Variants in UACA observed in about 807,000 individuals in gnomAD.
UACA encodes nuclear membrane binding protein.
Under a neutral mutation model 160.5 loss-of-function variants are expected in UACA, and 112 were observed. That is an observed-to-expected ratio of 0.70 (90% confidence interval 0.60 to 0.82). The LOEUF (loss-of-function observed/expected upper bound fraction) is 0.82, where lower values mean the gene tolerates loss of function less well. Among genes scored for constraint, UACA ranks in the 40% least tolerant of loss-of-function variants. UACA has a pLI of 0.00. For missense variants in UACA, 1,574 were observed against 1,614.6 expected (o/e 0.97, Z 0.43); for synonymous variants, 557 against 568.4 (o/e 0.98, Z 0.29).
chr15:70,755,369 T>TAA (rs879376258), intron 1 of UACA, among the ~76,000 whole-genome samples: 1 of 144,904 alleles, frequency 6.9e-6, no homozygotes, highest in Non-Finnish European at 1.5e-5. Context: ...ATTCAAGGTT[T>TAA]AAAAAAAAAA....
upstream of UACA, among the ~76,000 whole-genome samples, chr15:70,766,242 T>G (rs1410770333): frequency 6.6e-6 from 1 of 152,238 alleles, no homozygotes; most frequent in African/African-American, 2.4e-5. Context: ...TAAAGCTTTT[T>G]TACATTGATC....
At chr15:70,680,586 C>T (rs1897464062) in intron 9 of UACA, among the ~76,000 whole-genome samples, 1 of 152,208 alleles carries the variant, frequency 6.6e-6, no homozygotes, top group Non-Finnish European at 1.5e-5. Flanking sequence ...CTCATTCCTT[C>T]TACCAAAGGA....
chr15:70,668,799 C>G lies in UACA; in HGVS notation c.1885G>C (p.Ala629Pro), dbSNP rs1897030903. 6.2e-7 allele frequency: 1 copy of G among 1,613,924 alleles called. No individual in the cohort carries two copies. The highest frequency in any genetic ancestry group is 8.5e-7 in the Non-Finnish European group (1 of 1,180,010). Residue 629 changes from alanine to proline, a missense_variant, in exon 16 of 19, where the codon GCT becomes CCT. Physicochemically the swap from Ala to Pro is conservative, Grantham distance 27. Transcript: ENST00000322954. ...LSAKLALSIP[A>P]EKFENMKSSL... The stretch of plus-strand genomic sequence containing the variant: ...CTCTTCATGTTTTCAAATTTTTCAG[C>G]TGGAATGGAAAGGGCCAACTTCGCT...
chr15:70,713,154 C>T (rs773210276), intron 1 of UACA, among the ~76,000 whole-genome samples: 20 of 152,076 alleles, frequency 1.3e-4, no homozygotes, highest in Non-Finnish European at 2.9e-4. Flanking sequence ...ACCATCCTGG[C>T]TAACACAGTG....
intron 1 of UACA, among the ~76,000 whole-genome samples, chr15:70,760,976 T>C (rs943448756): frequency 1.3e-5 from 2 of 152,162 alleles, no homozygotes; most frequent in African/African-American, 2.4e-5. Flanking sequence ...TCCTTCAAAA[T>C]TACAAATGCA....
In UACA at chr15:70,656,879, C is replaced by A; in HGVS notation, c.*177G>T. The A allele has an allele frequency of 2.1e-6, 1 of 484,504 alleles. No homozygotes were observed. The highest frequency in any genetic ancestry group is 3.7e-6 in the Non-Finnish European group (1 of 272,940). The allele number at this position is 484,504 out of a possible 1,614,324, so 30.0% of individuals were successfully genotyped here. On this transcript the variant is annotated 3_prime_UTR_variant, in exon 19 of 19. Coordinates refer to ENST00000322954, the MANE Select transcript of UACA (RefSeq NM_018003.4). ...ACACATACAGAAAATAAGATTCAAA[C>A]TGATATTGAAAAAGACTAACATATT...
chr15:70,772,296 A>G, the UACA span, among the ~76,000 whole-genome samples: 6 of 151,946 alleles, frequency 3.9e-5, no homozygotes, highest in African/African-American at 9.7e-5. Context: ...GATCGAGACC[A>G]TCCTGGCTAA....
At chr15:70,700,318 T>TATACAC (rs565377949) in intron 1 of UACA, among the ~76,000 whole-genome samples, 2 of 139,762 alleles carry the variant, frequency 1.4e-5, no homozygotes, top group Non-Finnish European at 3.0e-5. Context: ...TATATATATA[T>TATACAC]ACACACACAC....
chr15:70,744,611 G>A (rs1899644554), intron 1 of UACA, among the ~76,000 whole-genome samples: 1 of 152,212 alleles, frequency 6.6e-6, no homozygotes, highest in Admixed American at 6.5e-5. Context: ...AAGACAGTCT[G>A]CAAGAGGGCT....
In UACA at chr15:70,677,199, G is replaced by T; in HGVS notation, c.1000-59C>A. 3.9e-6 allele frequency: 5 copies of T among 1,296,654 alleles called. No homozygotes were observed. In the South Asian group the frequency reaches 4.0e-5, roughly 10 times the overall value. 80.3% of individuals were successfully genotyped at this position (1,296,654 alleles called of 1,614,324 possible). A position where few individuals can be genotyped will look rare whatever the true frequency, so the allele number is the denominator to read the frequency against. ...CTTAAAAGCCTATTTTAAAAGGCAT[G>T]AACTTGGCAAAGATATTTTAAAAAG... On this transcript the variant is annotated intron_variant, in intron 11 of 18. Transcript: ENST00000322954.
At chr15:70,664,538 A>T (rs920076805) in intron 17 of UACA, 124 bp downstream of exon 17, 2 of 1,225,750 alleles carry the variant, frequency 1.6e-6, no homozygotes, top group African/African-American at 3.1e-5. Context: ...TCGCATATAA[A>T]AATAATTATA....
In UACA at chr15:70,678,276, A is replaced by C. The variant is rs1897360902; in HGVS notation, c.892-70T>G. On this transcript the variant is annotated intron_variant, in intron 10 of 18. Transcript: ENST00000322954. ...GCAAATTCTTAAAGGAGAAATTTTT[A>C]AAAGCAGTTCACTACCATACAGGTA... The C allele has an allele frequency of 2.7e-6, 3 of 1,100,238 alleles. No homozygotes were observed. The South Asian group carries it at 4.4e-5, about 16-fold the overall frequency. 68.2% of individuals were successfully genotyped at this position (1,100,238 alleles called of 1,614,324 possible). A position where few individuals can be genotyped will look rare whatever the true frequency, so the allele number is the denominator to read the frequency against.
intron 1 of UACA, among the ~76,000 whole-genome samples, chr15:70,762,927 G>C (rs908414219): frequency 1.3e-5 from 2 of 152,206 alleles, no homozygotes; most frequent in African/African-American, 2.4e-5. Flanking sequence ...CGGGGACTGG[G>C]GAGCCAACAC....
intron 1 of UACA, among the ~76,000 whole-genome samples, chr15:70,757,442 T>C (rs569315540): frequency 6.6e-6 from 1 of 152,218 alleles, no homozygotes; most frequent in Non-Finnish European, 1.5e-5. Context: ...TGTAAAGTTA[T>C]GATATACTAA....
Position 70,678,205 on chromosome 15 carries a change from T to C in UACA, c.893A>G (p.Asp298Gly), listed in dbSNP as rs1463261843. Residue 298 changes from aspartate (D) to glycine (G), a missense_variant and splice_region_variant, in exon 11 of 19, where the codon GAT (aspartate) becomes GGT (glycine). Coordinates refer to ENST00000322954, the MANE Select transcript of UACA (RefSeq NM_018003.4). The stretch of plus-strand genomic sequence containing the variant: ...CAAATCTTCATTTTCAATCTCCAAA[T>C]CCTTAAATAATAAAGACAACAAGGT... ...SHQREHQNIQDLEIENEDLKE... is the reference protein window; with the variant it reads ...SHQREHQNIQGLEIENEDLKE... The C allele has an allele frequency of 6.2e-7, 1 of 1,601,184 alleles. No homozygotes were observed. Among genetic ancestry groups the C allele is most frequent in the South Asian group, 1.1e-5 (1 of 88,928 alleles).
chr15:70,676,227 G>T (rs1897300816), intron 13 of UACA: 1 of 281,774 alleles, frequency 3.5e-6, no homozygotes, highest in Admixed American at 4.6e-5. Context: ...AAAAGGTAAG[G>T]ATGGACAATG....
chr15:70,722,569 T>C (rs1381907016), intron 1 of UACA, among the ~76,000 whole-genome samples: 1 of 152,162 alleles, frequency 6.6e-6, no homozygotes, highest in Non-Finnish European at 1.5e-5. Flanking sequence ...CCTCCTGGCC[T>C]CCCAAAGTGC....
intron 1 of UACA, among the ~76,000 whole-genome samples, chr15:70,724,965 C>T (rs891471675): frequency 4.6e-5 from 7 of 151,836 alleles, no homozygotes; most frequent in African/African-American, 1.7e-4. Flanking sequence ...GTGGCAAGCA[C>T]CTTGTAGTCC....
intron 1 of UACA, chr15:70,703,056 A>G: frequency 7.9e-7 from 1 of 1,270,272 alleles, no homozygotes; most frequent in African/African-American, 1.5e-5. Context: ...CTAGACTATT[A>G]AAAAAATCTC....
Sources: gnomAD v4.1 joint callset for allele counts (sites outside exome capture counted in the v4.1 genomes callset) on GRCh38, gnomAD v4.1.1 for gene constraint, MANE v1.5 for transcripts, NCBI Gene and HGNC (gene_info 2026-07-23, HGNC 2026-07-21) for gene names.